GALNT17: variants seen among roughly 807,000 people sequenced by gnomAD.
GALNT17 encodes UDP-GalNAc:polypeptide N-acetylgalactosaminyltransferase-like 3.
In GALNT17, 29 loss-of-function variants were observed where a neutral mutation model predicts 63.7. The ratio of observed to expected loss-of-function variants is 0.46; its 90% CI spans 0.34 to 0.62. GALNT17 has a LOEUF of 0.62. Among genes scored for constraint, GALNT17 ranks in the 20% least tolerant of loss-of-function variants. The pLI, the probability that GALNT17 is intolerant of heterozygous loss-of-function variation, is 0.01. For missense variants in GALNT17, 603 were observed against 799.6 expected (o/e 0.75, Z 2.97); for synonymous variants, 305 against 318.3 (o/e 0.96, Z 0.45).
intron 6 of GALNT17, among the ~76,000 whole-genome samples, chr7:71,632,568 C>T (rs763631305): frequency 6.6e-6 from 1 of 152,048 alleles, no homozygotes; most frequent in Non-Finnish European, 1.5e-5. Context: ...TCTAATGCAT[C>T]TGTGGGTCTG....
intron 1 of GALNT17, among the ~76,000 whole-genome samples, chr7:71,283,647 G>C (rs1790817232): frequency 6.6e-6 from 1 of 152,052 alleles, no homozygotes; most frequent in African/African-American, 2.4e-5. Flanking sequence ...ACCTGTTGTG[G>C]GAGGGACCTG....
At chr7:71,580,541 A>G (rs1374930124) in intron 6 of GALNT17, among the ~76,000 whole-genome samples, 2 of 152,332 alleles carry the variant, frequency 1.3e-5, no homozygotes, top group African/African-American at 4.8e-5. Flanking sequence ...CTAAAAAGAT[A>G]ATGATGACAG....
At chr7:71,400,685 T>C (rs1436359880) in intron 3 of GALNT17, among the ~76,000 whole-genome samples, 3 of 152,168 alleles carry the variant, frequency 2.0e-5, no homozygotes, top group Non-Finnish European at 4.4e-5. Context: ...CAAAGTATGG[T>C]TATCTCAATT....
At chr7:71,348,950 A>G (rs1168556667) in intron 2 of GALNT17, among the ~76,000 whole-genome samples, 2 of 152,224 alleles carry the variant, frequency 1.3e-5, no homozygotes, top group Non-Finnish European at 2.9e-5. Context: ...CTACATGGGC[A>G]CACACACATC....
chr7:71,647,328 C>T (rs533218104), intron 6 of GALNT17, among the ~76,000 whole-genome samples: 1 of 151,850 alleles, frequency 6.6e-6, no homozygotes, highest in Non-Finnish European at 1.5e-5. Flanking sequence ...CTCGGCCTCC[C>T]AAATCACTGG....
At chr7:71,255,038 C>A (rs1372122314) in intron 1 of GALNT17, among the ~76,000 whole-genome samples, 5 of 152,250 alleles carry the variant, frequency 3.3e-5, no homozygotes, top group Non-Finnish European at 5.9e-5. Context: ...AGAATCTAGA[C>A]TCACAGGATG....
intron 6 of GALNT17, among the ~76,000 whole-genome samples, chr7:71,622,111 C>T (rs1315141997): frequency 6.6e-6 from 1 of 152,146 alleles, no homozygotes; most frequent in Admixed American, 6.6e-5. Context: ...GTGGGCAGGA[C>T]CACAGGCTGC....
intron 5 of GALNT17, among the ~76,000 whole-genome samples, chr7:71,544,182 A>G (rs1211349674): frequency 2.8e-5 from 4 of 141,004 alleles, no homozygotes; most frequent in Non-Finnish European, 4.5e-5. Flanking sequence ...CAGGCTCTGG[A>G]GTGCAGTGAT....
At chr7:71,377,114 A>AAAAATATATATATATATATATATAT in intron 2 of GALNT17, among the ~76,000 whole-genome samples, 1 of 57,468 alleles carries the variant, frequency 1.7e-5, no homozygotes, top group Non-Finnish European at 3.0e-5. Flanking sequence ...AAATAAAAAA[A>AAAAATATATATATATATATATATAT]ATATATATAT....
At chr7:71,597,968 G>A (rs190072862) in intron 6 of GALNT17, among the ~76,000 whole-genome samples, 115 of 150,032 alleles carry the variant, frequency 7.7e-4, no homozygotes, top group African/African-American at 2.5e-3. Flanking sequence ...TTTTTGAGAC[G>A]GAGTCTCACT....
At chr7:71,592,500 A>AT (rs1789817482) in intron 6 of GALNT17, among the ~76,000 whole-genome samples, 1 of 15,044 alleles carries the variant, frequency 6.6e-5, no homozygotes, top group Admixed American at 1.2e-3. Context: ...CATTTCAAAA[A>AT]TAAAATAAAA....
Position 71,239,202 on chromosome 7 carries a change from A to G in GALNT17, c.239-96348A>G, listed in dbSNP as rs184084763. On this transcript the variant is annotated intron_variant, in intron 1 of 10. Transcript: ENST00000333538. ...GGGCTGGGCACAGTGGCTCATGCCT[A>G]TAATTCCAATGCTTTGGGAGGCTGA... 3.2e-3 allele frequency among the ~76,000 whole-genome samples: 491 copies of G among 152,272 alleles called. 3 individuals carry two copies. Among genetic ancestry groups the G allele is most frequent in the Middle Eastern group, 6.8e-3 (2 of 294 alleles).
intron 1 of GALNT17, among the ~76,000 whole-genome samples, chr7:71,307,326 T>G (rs1791323564): frequency 6.6e-6 from 1 of 152,088 alleles, no homozygotes; most frequent in Non-Finnish European, 1.5e-5. Context: ...ACAGTAGCCA[T>G]TTTAATGGGT....
intron 1 of GALNT17, among the ~76,000 whole-genome samples, chr7:71,227,846 T>TA (rs1446325504): frequency 3.9e-5 from 6 of 152,142 alleles, no homozygotes; most frequent in African/African-American, 1.4e-4. Flanking sequence ...AGAGTCCTGG[T>TA]TCCAGCTCAC....
At chr7:71,446,220 C>T (rs576974560) in intron 5 of GALNT17, among the ~76,000 whole-genome samples, 1 of 152,188 alleles carries the variant, frequency 6.6e-6, no homozygotes, top group South Asian at 2.1e-4. Context: ...CCTAGGAGAC[C>T]AATCACTTTA....
intron 9 of GALNT17, among the ~76,000 whole-genome samples, chr7:71,700,504 G>A (rs996177196): frequency 3.3e-5 from 5 of 152,018 alleles, no homozygotes; most frequent in African/African-American, 4.8e-5. Context: ...AGAAAGCCCC[G>A]ATTCCTGAGC....
chr7:71,272,054 C>T (rs1790602596), intron 1 of GALNT17, among the ~76,000 whole-genome samples: 1 of 152,194 alleles, frequency 6.6e-6, no homozygotes, highest in South Asian at 2.1e-4. Context: ...CCACTGTGGC[C>T]AGTTGTCCCC....
At chr7:71,345,184 T>C (rs1792070656) in intron 2 of GALNT17, among the ~76,000 whole-genome samples, 1 of 149,926 alleles carries the variant, frequency 6.7e-6, no homozygotes, top group Non-Finnish European at 1.5e-5. Flanking sequence ...AGACATACCA[T>C]TCTATATCAC....
intron 6 of GALNT17, among the ~76,000 whole-genome samples, chr7:71,575,857 C>T (rs375050556): frequency 6.6e-6 from 1 of 152,088 alleles, no homozygotes; most frequent in East Asian, 1.9e-4. Flanking sequence ...AGGGCTCTTG[C>T]CTGCATGAAA....
Sources: gnomAD v4.1 joint callset for allele counts (sites outside exome capture counted in the v4.1 genomes callset) on GRCh38, gnomAD v4.1.1 for gene constraint, MANE v1.5 for transcripts, NCBI Gene and HGNC (gene_info 2026-07-23, HGNC 2026-07-21) for gene names.